CSMD1: variants seen among roughly 807,000 people sequenced by gnomAD.
CSMD1 encodes the protein CUB and sushi domain-containing protein 1.
Under a neutral mutation model 417.5 loss-of-function variants are expected in CSMD1, and 213 were observed. That is an observed-to-expected ratio of 0.51 (90% CI 0.46 to 0.57). The LOEUF (loss-of-function observed/expected upper bound fraction) is 0.57. Among genes scored for constraint, CSMD1 ranks in the 20% least tolerant of loss-of-function variants. The pLI is 0.00. For missense variants in CSMD1, 6,923 were observed against 4,529.7 expected (o/e 1.53, Z -15.17); for synonymous variants, 2,862 against 1,736.8 (o/e 1.65, Z -16.11).
At position 3,181,141 on chromosome 8, in the gene CSMD1, C is replaced by T; in HGVS notation, c.5694G>A (p.Val1898=). 1.2e-6 allele frequency: 2 copies of T among 1,613,756 alleles called. No homozygotes were observed. Among genetic ancestry groups the T allele is most frequent in the African/African-American group, 1.3e-5 (1 of 75,014 alleles). The part of the protein sequence containing the change: ...LYLHFQSDIS[V]AAAGFHLEYK... Reference sequence around the variant, plus strand: ...ATTCCAGGTGGAAACCAGCAGCTGCCACACTAATGTCAGACTGGAAATGCA... The same window carrying T: ...ATTCCAGGTGGAAACCAGCAGCTGCTACACTAATGTCAGACTGGAAATGCA... Residue 1898 remains valine, a synonymous_variant, in exon 37 of 70, where the codon GTG becomes GTA. Transcript: ENST00000635120.
intron 10 of CSMD1, among the ~76,000 whole-genome samples, chr8:3,547,160 G>C (rs1009301432): frequency 1.3e-5 from 2 of 152,176 alleles, no homozygotes; most frequent in African/African-American, 2.4e-5. Flanking sequence ...TCTGGGCTTG[G>C]CAAAGATGAA....
Position 4,860,417 on chromosome 8 carries a change from A to G in CSMD1, c.85+133915T>C, listed in dbSNP as rs140076382. 1.6e-3 allele frequency among the ~76,000 whole-genome samples: 242 copies of G among 152,008 alleles called. 1 individual carries two copies. The highest frequency in any genetic ancestry group is 5.7e-3 in the African/African-American group (237 of 41,396). On this transcript the variant is annotated intron_variant, in intron 1 of 69. Transcript: ENST00000635120. ...CCAAAAACTTAAAGTATATAAAAAA[A>G]AAAAAAGTGTGTGCCACTCCACCCT...
At chr8:4,946,310 A>G (rs1808367342) in intron 1 of CSMD1, among the ~76,000 whole-genome samples, 1 of 152,210 alleles carries the variant, frequency 6.6e-6, no homozygotes, top group African/African-American at 2.4e-5. Flanking sequence ...CAATCAATTA[A>G]TATGACTAAC....
intron 3 of CSMD1, among the ~76,000 whole-genome samples, chr8:4,064,485 C>G (rs1799141199): frequency 6.6e-6 from 1 of 152,214 alleles, no homozygotes; most frequent in East Asian, 1.9e-4. Flanking sequence ...TCTAGAGCTG[C>G]ATGTGCCTGC....
At chr8:2,968,742 G>A (rs1043772526) in intron 57 of CSMD1, among the ~76,000 whole-genome samples, 7 of 151,844 alleles carry the variant, frequency 4.6e-5, no homozygotes, top group African/African-American at 1.7e-4. Context: ...AAATTTAGAG[G>A]AGAAAAAAGA....
intron 2 of CSMD1, among the ~76,000 whole-genome samples, chr8:4,530,870 A>G (rs192576329): frequency 9.2e-5 from 14 of 152,092 alleles, no homozygotes; most frequent in Admixed American, 8.5e-4. Flanking sequence ...ACAAAGAAGT[A>G]AAGTCAGCCT....
At chr8:3,779,623 A>C (rs1358081709) in intron 5 of CSMD1, among the ~76,000 whole-genome samples, 1 of 152,210 alleles carries the variant, frequency 6.6e-6, no homozygotes, top group Non-Finnish European at 1.5e-5. Context: ...AATATGGATA[A>C]TGACAGCGTT....
At chr8:4,211,873 A>T (rs1433812132) in intron 3 of CSMD1, among the ~76,000 whole-genome samples, 1 of 152,218 alleles carries the variant, frequency 6.6e-6, no homozygotes, top group Non-Finnish European at 1.5e-5. Flanking sequence ...TAATAACCCA[A>T]CATCATATCT....
At chr8:4,572,589 T>A (rs1388288840) in intron 2 of CSMD1, among the ~76,000 whole-genome samples, 1 of 152,142 alleles carries the variant, frequency 6.6e-6, no homozygotes, top group East Asian at 1.9e-4. Context: ...GCGATGATTA[T>A]GTGTCTTGGG....
chr8:3,386,387 C>T (rs749816184), intron 18 of CSMD1, among the ~76,000 whole-genome samples: 11 of 152,172 alleles, frequency 7.2e-5, no homozygotes, highest in Non-Finnish European at 1.5e-4. Context: ...CCGGTTCCAG[C>T]TGGTTCGCAC....
chr8:3,834,970 CTCA>C (rs1802591826), intron 5 of CSMD1, among the ~76,000 whole-genome samples: 1 of 152,080 alleles, frequency 6.6e-6, no homozygotes, highest in African/African-American at 2.4e-5. Context: ...TGAAAAAATG[CTCA>C]TCATCACTGG....
chr8:3,668,706 G>C (rs115144391), intron 7 of CSMD1, among the ~76,000 whole-genome samples: 3 of 152,150 alleles, frequency 2.0e-5, no homozygotes, highest in Non-Finnish European at 2.9e-5. Flanking sequence ...TCTAGACACA[G>C]AGATGGATGA....
intron 7 of CSMD1, among the ~76,000 whole-genome samples, chr8:3,644,579 A>G (rs1797480140): frequency 6.6e-6 from 1 of 152,136 alleles, no homozygotes; most frequent in African/African-American, 2.4e-5. Flanking sequence ...AATCTGAAGG[A>G]TTGCAGAGCT....
chr8:3,673,056 G>T (rs888279619), intron 7 of CSMD1, among the ~76,000 whole-genome samples: 1 of 152,118 alleles, frequency 6.6e-6, no homozygotes, highest in East Asian at 1.9e-4. Flanking sequence ...GCATTTAGCG[G>T]TATGATTGAT....
At chr8:4,544,621 A>C (rs912752750) in intron 2 of CSMD1, among the ~76,000 whole-genome samples, 1 of 152,216 alleles carries the variant, frequency 6.6e-6, no homozygotes, top group Non-Finnish European at 1.5e-5. Flanking sequence ...TATAAATAAA[A>C]TAATACAATT....
intron 49 of CSMD1, among the ~76,000 whole-genome samples, chr8:3,080,603 T>A (rs1056794602): frequency 6.6e-6 from 1 of 152,180 alleles, no homozygotes; most frequent in African/African-American, 2.4e-5. Flanking sequence ...TCTGTCCGGG[T>A]TGTGGCCTGG....
In CSMD1 at chr8:3,157,969, G is replaced by C; in HGVS notation, c.5845-3C>G. The C allele has an allele frequency of 6.4e-7, 1 of 1,552,298 alleles. No homozygotes were observed. The stretch of plus-strand genomic sequence containing the variant: ...ATACAGGAAATGTGGGAACGGCCCT[G>C]TTTAAAAGAAAACAAAAGAAAATAC... On this transcript the variant is annotated splice_polypyrimidine_tract_variant and splice_region_variant and intron_variant, in intron 38 of 69. Transcript: ENST00000635120.
At chr8:3,477,300 T>G (rs1317129858) in intron 11 of CSMD1, among the ~76,000 whole-genome samples, 1 of 152,198 alleles carries the variant, frequency 6.6e-6, no homozygotes, top group Non-Finnish European at 1.5e-5. Flanking sequence ...GTTGAAAATT[T>G]GACAATGGAA....
chr8:4,062,408 T>C (rs1799022979), intron 3 of CSMD1, among the ~76,000 whole-genome samples: 1 of 152,116 alleles, frequency 6.6e-6, no homozygotes, highest in African/African-American at 2.4e-5. Context: ...ACCAATCGGT[T>C]GTACATACGT....
Sources: allele counts gnomAD v4.1 joint callset (sites outside exome capture counted in the v4.1 genomes callset), GRCh38; gene constraint gnomAD v4.1.1; transcripts MANE v1.5; gene names NCBI Gene and HGNC (gene_info 2026-07-23, HGNC 2026-07-21).